The following STAT4 variants were observed in gnomAD, a reference collection of about 807,000 sequenced individuals.
STAT4 encodes the protein signal transducer and activator of transcription 4.
In STAT4, 42 loss-of-function variants were observed where a neutral mutation model predicts 110.5. That is an observed-to-expected ratio of 0.38 (90% CI 0.30 to 0.49). The LOEUF (loss-of-function observed/expected upper bound fraction) is 0.49, where lower values mean the gene tolerates loss of function less well. Ranked by LOEUF, STAT4 falls within the 20% of genes least tolerant of loss-of-function variation. The pLI is 0.95. For synonymous variants in STAT4, 284 were observed against 302.2 expected (o/e 0.94, Z 0.63); for missense variants, 632 against 887.9 (o/e 0.71, Z 3.66).
intron 3 of STAT4, among the ~76,000 whole-genome samples, chr2:191,137,812 G>A (rs2356350): frequency 0.63 from 95,178 of 151,948 alleles, 30,072 homozygotes; most frequent in Admixed American, 0.67. Flanking sequence ...TCCCTACACC[G>A]AAGAATAGAA....
intron 3 of STAT4, among the ~76,000 whole-genome samples, chr2:191,145,762 A>C (rs7574070): frequency 0.55 from 83,810 of 152,112 alleles, 25,171 homozygotes; most frequent in South Asian, 0.68. Context: ...AAATGTCTCC[A>C]TGAAGAATGG....
intron 13 of STAT4, among the ~76,000 whole-genome samples, chr2:191,056,949 C>A (rs368046579): frequency 6.6e-6 from 1 of 151,822 alleles, no homozygotes; most frequent in Non-Finnish European, 1.5e-5. Flanking sequence ...TGCCGGGCTA[C>A]TATTTGTATT....
intron 3 of STAT4, among the ~76,000 whole-genome samples, chr2:191,109,909 T>G (rs1181389816): frequency 1.3e-5 from 2 of 152,210 alleles, no homozygotes; most frequent in African/African-American, 2.4e-5. Flanking sequence ...CTTGGTTTAC[T>G]AATTACCTCC....
At chr2:191,070,267 G>A (rs1371483749) in intron 5 of STAT4, among the ~76,000 whole-genome samples, 1 of 151,926 alleles carries the variant, frequency 6.6e-6, no homozygotes, top group African/African-American at 2.4e-5. Context: ...CCGTTATTCT[G>A]TCTTTGAGAT....
At chr2:191,070,338 T>C (rs190874885) in intron 5 of STAT4, among the ~76,000 whole-genome samples, 1 of 152,326 alleles carries the variant, frequency 6.6e-6, no homozygotes, top group Non-Finnish European at 1.5e-5. Context: ...ATAGTAAATG[T>C]CAAGATCTGG....
At chr2:191,079,891 C>T (rs984881954) in intron 3 of STAT4, among the ~76,000 whole-genome samples, 3 of 152,050 alleles carry the variant, frequency 2.0e-5, no homozygotes, top group Non-Finnish European at 2.9e-5. Context: ...GAGCTTGCAA[C>T]AAATATGTAT....
rs1390197167 is a variant in STAT4, at chr2:191,117,348, C to G, written c.273+29265G>C. Among the ~76,000 whole-genome samples, 1 of 152,318 alleles carries G rather than the reference C, an allele frequency of 6.6e-6. No individual in the cohort carries two copies. Among genetic ancestry groups the G allele is most frequent in the East Asian group, 1.9e-4 (1 of 5,190 alleles). The stretch of plus-strand genomic sequence containing the variant: ...TCTGACTTCAAATTTCAAAGACTTG[C>G]CATTGCATCTAATTTAGTGCCAACA... On this transcript the variant is annotated intron_variant, in intron 3 of 23. Transcript: ENST00000392320. This position sits in a 1 kb window ranked among gnomAD's most constrained non-coding sequence, Gnocchi z 5.2.
chr2:191,118,473 A>G (rs1357881644), intron 3 of STAT4, among the ~76,000 whole-genome samples: 3 of 152,210 alleles, frequency 2.0e-5, no homozygotes, highest in Admixed American at 2.0e-4. Flanking sequence ...GCAGGTAATC[A>G]TACTAGACAT....
chr2:191,151,282 T>G (rs530411138), upstream of STAT4: 2 of 985,606 alleles, frequency 2.0e-6, no homozygotes, highest in South Asian at 9.4e-5. The surrounding 1 kb of genome is among the most constrained non-coding windows in gnomAD (Gnocchi z 4.7). Flanking sequence ...GGGCATACAT[T>G]TTCTTCAGTG....
In STAT4 at chr2:191,042,586, T is replaced by G. The variant is rs1033123149; in HGVS notation, c.1252-1438A>C. 1.3e-5 allele frequency among the ~76,000 whole-genome samples: 2 copies of G among 152,152 alleles called. No homozygotes were observed. The highest frequency in any genetic ancestry group is 2.9e-5 in the Non-Finnish European group (2 of 68,016). ...ATTTTGGTTTTTGTGATAAGTGTAT[T>G]GTGGTTAGGTTTAAACATTTCTTAT... On this transcript the variant is annotated intron_variant, in intron 14 of 23. Coordinates refer to ENST00000392320, the MANE Select transcript of STAT4 (RefSeq NM_003151.4). The surrounding 1 kb of genome is among the most constrained non-coding windows in gnomAD (Gnocchi z 4.2).
rs761575552 is a variant in STAT4 at position 191,058,787 on chromosome 2, T to TA, written c.1035-19dup. ...TTAGTAGCCTGGAAAGAGATATCAATAAAAAAAATCAAAGATAAAAATTAA... is the reference window on the plus strand; with the variant it reads ...TTAGTAGCCTGGAAAGAGATATCAATAAAAAAAAATCAAAGATAAAAATTAA... On this transcript the variant is annotated intron_variant, in intron 10 of 23. Coordinates refer to ENST00000392320, the MANE Select transcript of STAT4 (RefSeq NM_003151.4). The surrounding 1 kb of genome is among the most constrained non-coding windows in gnomAD (Gnocchi z 4.3). The TA allele has an allele frequency of 1.3e-4, 197 of 1,489,752 alleles. No homozygotes were observed. The highest frequency in any genetic ancestry group is 1.8e-4 in the African/African-American group (13 of 71,674). The allele number at this position is 1,489,752 out of a possible 1,614,324, so 92.3% of individuals were successfully genotyped here.
At position 191,146,813 on chromosome 2, in the gene STAT4, T is replaced by A. The variant is rs1699474291; in HGVS notation, c.129-56A>T. 7.1e-7 allele frequency: 1 copy of A among 1,415,136 alleles called. No homozygotes were observed. The allele number at this position is 1,415,136 out of a possible 1,614,324, so 87.7% of individuals were successfully genotyped here. A position where few individuals can be genotyped will look rare whatever the true frequency, so the allele number is the denominator to read the frequency against. Reference sequence around the variant, plus strand: ...AAAACAACTTTGTAAAATGTCTACTTTTTTACCATACTAACTTTAAAACAA... The same window carrying A: ...AAAACAACTTTGTAAAATGTCTACTATTTTACCATACTAACTTTAAAACAA... On this transcript the variant is annotated intron_variant, in intron 2 of 23. Transcript: ENST00000392320. The surrounding 1 kb of genome is among the most constrained non-coding windows in gnomAD (Gnocchi z 4.5).
At position 191,062,494 on chromosome 2, in the gene STAT4, A is replaced by C. The variant is rs1298728555; in HGVS notation, c.941+268T>G. On this transcript the variant is annotated intron_variant, in intron 9 of 23. Transcript: ENST00000392320. The surrounding 1 kb of genome is among the most constrained non-coding windows in gnomAD (Gnocchi z 4.9). ...TATGCACATAAGAAAAAACCCTTGAAATTTTTTCTAAGATGTGAAAACTGA... is the reference window on the plus strand; with the variant it reads ...TATGCACATAAGAAAAAACCCTTGACATTTTTTCTAAGATGTGAAAACTGA... Among the ~76,000 whole-genome samples the C allele has an allele frequency of 6.6e-6, 1 of 152,172 alleles. No individual in the cohort carries two copies. The highest frequency in any genetic ancestry group is 2.4e-5 in the African/African-American group (1 of 41,450).
rs553530429 is a variant in STAT4, at chr2:191,131,346, T to C, written c.273+15267A>G. On this transcript the variant is annotated intron_variant, in intron 3 of 23. Coordinates refer to ENST00000392320, the MANE Select transcript of STAT4 (RefSeq NM_003151.4). The stretch of plus-strand genomic sequence containing the variant: ...GCCCATCAACAGTAGAATGAATAAA[T>C]TGTGATAATTCACACAATGGTATAC... 12 of 152,082 alleles carry C rather than the reference T, an allele frequency of 7.9e-5. 1 individual carries two copies. Among genetic ancestry groups the C allele is most frequent in the African/African-American group, 2.9e-4 (12 of 41,228 alleles). The allele number at this position is 152,082 out of a possible 1,614,324, so 9.4% of individuals were successfully genotyped here.
Position 191,117,318 on chromosome 2 carries a change from G to A in STAT4, c.273+29295C>T, listed in dbSNP as rs965818121. Among the ~76,000 whole-genome samples, 14 of 152,154 alleles carry A rather than the reference G, an allele frequency of 9.2e-5. No individual in the cohort carries two copies. The highest frequency in any genetic ancestry group is 3.4e-4 in the African/African-American group (14 of 41,442). On this transcript the variant is annotated intron_variant, in intron 3 of 23. Transcript: ENST00000392320. The surrounding 1 kb of genome is among the most constrained non-coding windows in gnomAD (Gnocchi z 5.2). Reference sequence around the variant, plus strand: ...AAATACAAGTTTCTAATAGCTTAAGGCTGTTCTGACTTCAAATTTCAAAGA... The same window carrying A: ...AAATACAAGTTTCTAATAGCTTAAGACTGTTCTGACTTCAAATTTCAAAGA...
Position 191,044,844 on chromosome 2 carries a change from T to G in STAT4, c.1252-3696A>C, listed in dbSNP as rs1021416011. ...TTCTGATGGAAAGTTTGGGGCTTAA[T>G]TAGTGACAAGTATGTAAATTAATCA... is the stretch of plus-strand genomic sequence containing the variant. On this transcript the variant is annotated intron_variant, in intron 14 of 23. Coordinates refer to ENST00000392320, the MANE Select transcript of STAT4 (RefSeq NM_003151.4). 4.6e-5 allele frequency among the ~76,000 whole-genome samples: 7 copies of G among 152,230 alleles called. No homozygotes were observed. The South Asian group carries it at 1.5e-3, about 32-fold the overall frequency.
chr2:191,092,710 G>C (rs537697592), intron 3 of STAT4, among the ~76,000 whole-genome samples: 1 of 152,306 alleles, frequency 6.6e-6, no homozygotes, highest in East Asian at 1.9e-4. Context: ...AGTGGGTTCA[G>C]CCCACGGAGG....
intron 3 of STAT4, among the ~76,000 whole-genome samples, chr2:191,096,248 A>G (rs554770712): frequency 9.8e-5 from 15 of 152,322 alleles, no homozygotes; most frequent in African/African-American, 3.1e-4. Flanking sequence ...AAAGAGAGGG[A>G]ATCCTCCCTA....
intron 3 of STAT4, among the ~76,000 whole-genome samples, chr2:191,141,500 CATAT>C (rs1336600756): frequency 1.6e-4 from 20 of 122,272 alleles, no homozygotes; most frequent in African/African-American, 5.8e-4. Flanking sequence ...ATGTATATCA[CATAT>C]ATACATACAC....
Sources: gnomAD v4.1 joint callset for allele counts (sites outside exome capture counted in the v4.1 genomes callset) on GRCh38, gnomAD v4.1.1 for gene constraint, Gnocchi (gnomAD v3.1) non-coding constraint, MANE v1.5 for transcripts, NCBI Gene and HGNC (gene_info 2026-07-23, HGNC 2026-07-21) for gene names.